DISC1: variants seen among roughly 807,000 people sequenced by gnomAD.
DISC1 encodes DISC1 scaffold protein.
DISC1 carries 57 observed loss-of-function variants against 84.5 expected under a neutral mutation model. The observed-to-expected ratio is 0.67, with a 90% CI of 0.55 to 0.84. DISC1 has a LOEUF of 0.84. Among genes scored for constraint, DISC1 ranks in the 40% least tolerant of loss-of-function variants. The pLI is 0.00. For synonymous variants in DISC1, 411 were observed against 415.2 expected (o/e 0.99, Z 0.12); for missense variants, 1,000 against 1,057.8 (o/e 0.95, Z 0.76).
At chr1:231,680,541 T>A (rs1162614616) in intron 1 of DISC1, among the ~76,000 whole-genome samples, 1 of 152,030 alleles carries the variant, frequency 6.6e-6, no homozygotes, top group East Asian at 1.9e-4. Flanking sequence ...AATACTAACA[T>A]GTGGAAAAAA....
chr1:231,663,565 G>A (rs1032214110), intron 1 of DISC1, among the ~76,000 whole-genome samples: 5 of 152,262 alleles, frequency 3.3e-5, no homozygotes, highest in African/African-American at 1.2e-4. Context: ...CACTTTGGTT[G>A]TATCACTTTC....
intron 1 of DISC1, among the ~76,000 whole-genome samples, chr1:231,666,545 A>G (rs2062037986): frequency 6.6e-6 from 1 of 152,160 alleles, no homozygotes; most frequent in African/African-American, 2.4e-5. Context: ...TTATCATTAC[A>G]TAGAACTGTT....
At chr1:231,844,901 T>A (rs1205067984) in intron 9 of DISC1, among the ~76,000 whole-genome samples, 1 of 137,246 alleles carries the variant, frequency 7.3e-6, no homozygotes, top group African/African-American at 2.8e-5. Context: ...CACTCCAGCC[T>A]GGGCGACAGA....
chr1:231,832,714 C>T (rs1450597394), intron 9 of DISC1, among the ~76,000 whole-genome samples: 13 of 146,110 alleles, frequency 8.9e-5, no homozygotes, highest in African/African-American at 1.5e-4. Context: ...GAATAATGGG[C>T]TGTGGAGGGA....
chr1:231,925,470 G>A (rs1480358744), intron 9 of DISC1, among the ~76,000 whole-genome samples: 1 of 152,156 alleles, frequency 6.6e-6, no homozygotes, highest in Non-Finnish European at 1.5e-5. Flanking sequence ...GATGTTCACA[G>A]GTCATGAAAG....
At chr1:231,738,964 G>A (rs1356580280) in intron 3 of DISC1, among the ~76,000 whole-genome samples, 1 of 152,176 alleles carries the variant, frequency 6.6e-6, no homozygotes, top group African/African-American at 2.4e-5. Flanking sequence ...AGACACATCT[G>A]TACTGCCCCT....
intron 1 of DISC1, among the ~76,000 whole-genome samples, chr1:231,676,925 A>C (rs2063210805): frequency 6.6e-6 from 1 of 152,236 alleles, no homozygotes; most frequent in Admixed American, 6.5e-5. Flanking sequence ...GAGACTGAGA[A>C]GGTAAACAAA....
chr1:231,822,262 G>A (rs1183096217), intron 9 of DISC1, among the ~76,000 whole-genome samples: 4 of 152,170 alleles, frequency 2.6e-5, no homozygotes, highest in African/African-American at 9.7e-5. Context: ...AAAAGATACT[G>A]CAGATGTAGC....
rs182656743 is a variant in DISC1, at chr1:231,767,882, G to A, written c.1398+613G>A. On this transcript the variant is annotated intron_variant, in intron 5 of 12. Coordinates refer to ENST00000439617, the MANE Select transcript of DISC1 (RefSeq NM_018662.3). ...GACCTTTAGAAGCTTCCTTTGAAAG[G>A]CAGAAAGACATCTGTGCTGTGAAAA... Among the ~76,000 whole-genome samples the A allele has an allele frequency of 1.2e-4, 18 of 152,314 alleles. No individual in the cohort carries two copies. In the East Asian group the frequency reaches 3.3e-3, roughly 28 times the overall value.
In DISC1 at chr1:231,909,347, C is replaced by T. The variant is rs1420211535; in HGVS notation, c.1982-49481C>T. Among the ~76,000 whole-genome samples the T allele has an allele frequency of 2.0e-5, 3 of 152,140 alleles. 1 individual carries two copies. The highest frequency in any genetic ancestry group is 7.2e-5 in the African/African-American group (3 of 41,422). ...CTCATTATTTTGAGATACATCCCAT[C>T]AATATCAAGTTTATTGAGAGTTTTT... On this transcript the variant is annotated intron_variant, in intron 9 of 12. Transcript: ENST00000439617.
At chr1:231,989,894 T>A (rs151207388) in intron 10 of DISC1, among the ~76,000 whole-genome samples, 101 of 152,336 alleles carry the variant, frequency 6.6e-4, no homozygotes, top group African/African-American at 2.3e-3. Flanking sequence ...GCTGTGCGAC[T>A]GCAAGCGGTG....
intron 11 of DISC1, among the ~76,000 whole-genome samples, chr1:232,026,208 A>C (rs1669452160): frequency 6.6e-6 from 1 of 152,202 alleles, no homozygotes. Context: ...TGAAATGACC[A>C]GACAAGGGAG....
At chr1:231,952,687 A>C (rs932237872) in intron 9 of DISC1, among the ~76,000 whole-genome samples, 7 of 130,092 alleles carry the variant, frequency 5.4e-5, no homozygotes, top group Admixed American at 4.0e-4. Flanking sequence ...TCATATATAT[A>C]TGTTTATATA....
chr1:231,908,997 T>C (rs1308549099), intron 9 of DISC1, among the ~76,000 whole-genome samples: 1 of 152,240 alleles, frequency 6.6e-6, no homozygotes, highest in Non-Finnish European at 1.5e-5. Flanking sequence ...ATGGGAATGC[T>C]TGTGATTTTT....
At chr1:231,713,936 G>C (rs965966527) in intron 3 of DISC1, among the ~76,000 whole-genome samples, 1 of 150,484 alleles carries the variant, frequency 6.6e-6, no homozygotes, top group Non-Finnish European at 1.5e-5. Flanking sequence ...ATAGATAAAA[G>C]GCATCATAAT....
Position 231,895,391 on chromosome 1 carries a change from TC to T in DISC1, c.1982-63432del, listed in dbSNP as rs937484537. ...ATATATCACTACATATTTGTATATTTCCCCCATATATGTATCTCCCTCATAT... is the reference window on the plus strand; with the variant it reads ...ATATATCACTACATATTTGTATATTTCCCCATATATGTATCTCCCTCATAT... On this transcript the variant is annotated intron_variant, in intron 9 of 12. Coordinates refer to ENST00000439617, the MANE Select transcript of DISC1 (RefSeq NM_018662.3). Among the ~76,000 whole-genome samples the T allele has an allele frequency of 1.1e-4, 16 of 151,714 alleles. 1 individual carries two copies. The highest frequency in any genetic ancestry group is 3.3e-4 in the Admixed American group (5 of 15,220).
At chr1:231,947,459 A>C (rs1657456866) in intron 9 of DISC1, among the ~76,000 whole-genome samples, 1 of 152,230 alleles carries the variant, frequency 6.6e-6, no homozygotes, top group Non-Finnish European at 1.5e-5. Flanking sequence ...AATCAACTCA[A>C]GATGGATCAG....
rs927226932 is a variant in DISC1, at chr1:231,770,967, C to G, written c.1531C>G (p.Leu511Val). 6.8e-6 allele frequency: 11 copies of G among 1,613,782 alleles called. 1 individual carries two copies. Among genetic ancestry groups the G allele is most frequent in the Non-Finnish European group, 9.3e-6 (11 of 1,179,920 alleles). Reference protein sequence around the residue: ...GCDLTPLVGQLSLGQLQEVSK... With the variant: ...GCDLTPLVGQVSLGQLQEVSK... The stretch of plus-strand genomic sequence containing the variant: ...CGACCTGACCCCACTGGTGGGCCAG[C>G]TGTCCCTGGGTCAGCTGCAGGAGGT... The change falls in exon 6 of 13, where the codon CTG becomes GTG. Residue 511 changes from leucine (L) to valine (V), a missense_variant. This residue lies in a region of DISC1 where 311 missense variants were observed against 400.1 expected (regional missense o/e 0.78). Coordinates refer to ENST00000439617, the MANE Select transcript of DISC1 (RefSeq NM_018662.3).
intron 9 of DISC1, among the ~76,000 whole-genome samples, chr1:231,874,812 G>A (rs2085743330): frequency 1.3e-5 from 2 of 151,538 alleles, no homozygotes; most frequent in African/African-American, 4.8e-5. Flanking sequence ...TCGGGAGGCT[G>A]AGGCAGGAGA....
Sources: allele counts gnomAD v4.1 joint callset (sites outside exome capture counted in the v4.1 genomes callset), GRCh38; gene constraint gnomAD v4.1.1; regional missense constraint gnomAD v4.1.1; transcripts MANE v1.5; gene names NCBI Gene and HGNC (gene_info 2026-07-23, HGNC 2026-07-21).